FAM83F: variants seen among roughly 807,000 people sequenced by gnomAD.
FAM83F encodes the protein protein FAM83F.
A neutral mutation model predicts 42.9 loss-of-function variants in FAM83F; 45 were observed. The observed-to-expected ratio is 1.05, with a 90% CI of 0.83 to 1.35. FAM83F has a LOEUF of 1.35. Ranked by LOEUF, FAM83F falls within the 40% of genes most tolerant of loss-of-function variation. FAM83F has a pLI of 0.00. For missense variants in FAM83F, 617 were observed against 695.9 expected, an observed-to-expected ratio of 0.89 and a Z score of 1.28; for synonymous variants, 306 against 298.3, an observed-to-expected ratio of 1.03 and a Z score of -0.27.
rs5995795 is a variant in FAM83F, at chr22:40,034,244, C to T, written c.*4679C>T. 1.7e-4 allele frequency: 26 copies of T among 152,416 alleles called. No homozygotes were observed. The highest frequency in any genetic ancestry group is 6.3e-4 in the African/African-American group (26 of 41,594). The allele number at this position is 152,416 out of a possible 1,614,324, so 9.4% of individuals were successfully genotyped here. A position where few individuals can be genotyped will look rare whatever the true frequency, so the allele number is the denominator to read the frequency against. ...ATCTGGCAGTGCGCCACACTCCTGCCTCCCTGCCCAAAGGACGTAGTGGCT... is the reference window on the plus strand; with the variant it reads ...ATCTGGCAGTGCGCCACACTCCTGCTTCCCTGCCCAAAGGACGTAGTGGCT... On this transcript the variant is annotated 3_prime_UTR_variant, in exon 5 of 5. Transcript: ENST00000333407.
chr22:39,995,556 A>C lies in FAM83F; in HGVS notation c.489+25A>C. The C allele has an allele frequency of 6.6e-7, 1 of 1,520,766 alleles. No homozygotes were observed. The highest frequency in any genetic ancestry group is 8.9e-7 in the Non-Finnish European group (1 of 1,127,610). The allele number at this position is 1,520,766 out of a possible 1,614,324, so 94.2% of individuals were successfully genotyped here. A position where few individuals can be genotyped will look rare whatever the true frequency, so the allele number is the denominator to read the frequency against. Reference sequence around the variant, plus strand: ...GGTAGGCCCCCGCCTTCGCCCCCACACCGCTGGGACCTCGGCCCCAGTCCC... The same window carrying C: ...GGTAGGCCCCCGCCTTCGCCCCCACCCCGCTGGGACCTCGGCCCCAGTCCC... On this transcript the variant is annotated intron_variant, in intron 1 of 4. Coordinates refer to ENST00000333407, the MANE Select transcript of FAM83F (RefSeq NM_138435.4). This position sits in a 1 kb window ranked among gnomAD's most constrained non-coding sequence, Gnocchi z 4.6.
chr22:40,005,927 C>T (rs565533450), intron 1 of FAM83F, among the ~76,000 whole-genome samples: 2 of 152,268 alleles, frequency 1.3e-5, no homozygotes, highest in African/African-American at 2.4e-5. Context: ...GGGGCAGCCT[C>T]GCCTCCAAGT....
intron 4 of FAM83F, among the ~76,000 whole-genome samples, chr22:40,028,109 G>A (rs758572321): frequency 3.9e-5 from 6 of 152,378 alleles, no homozygotes; most frequent in African/African-American, 9.6e-5. Context: ...GCACCACTGC[G>A]GAAAGTGACC....
At chr22:40,005,965 C>T (rs964398728) in intron 1 of FAM83F, among the ~76,000 whole-genome samples, 1 of 152,194 alleles carries the variant, frequency 6.6e-6, no homozygotes, top group Non-Finnish European at 1.5e-5. Flanking sequence ...TGTAGCCGGG[C>T]GCGGTGGCTC....
Position 39,995,304 on chromosome 22 carries a change from A to G in FAM83F, c.262A>G (p.Lys88Glu), listed in dbSNP as rs2067368225. The change falls in exon 1 of 5, where the codon AAG becomes GAG. Residue 88 changes from lysine (K) to glutamate (E), a missense_variant. Coordinates refer to ENST00000333407, the MANE Select transcript of FAM83F (RefSeq NM_138435.4). The surrounding 1 kb of genome is among the most constrained non-coding windows in gnomAD (Gnocchi z 4.6). ...CGCCGCCAACGCCCGGGGCAAGAGC[A>G]AGGCCAAGGCCAAGGCCCCCGCGCC... ...VPAANARGKS[K>E]AKAKAPAPAP... The G allele has an allele frequency of 6.5e-7, 1 of 1,536,554 alleles. No individual in the cohort carries two copies.
In FAM83F at chr22:40,019,226, A is replaced by G. The variant is rs764265912; in HGVS notation, c.548A>G (p.Asp183Gly). The G allele has an allele frequency of 6.2e-7, 1 of 1,614,086 alleles. No homozygotes were observed. Among genetic ancestry groups the G allele is most frequent in the Non-Finnish European group, 8.5e-7 (1 of 1,180,034 alleles). The change falls in exon 2 of 5, where the codon GAT (aspartate) becomes GGT (glycine). Residue 183 changes from aspartate to glycine, a missense_variant. Physicochemically the swap from Asp to Gly is moderately conservative, Grantham distance 94. Coordinates refer to ENST00000333407, the MANE Select transcript of FAM83F (RefSeq NM_138435.4). ...GGTGATATCTTTCAAGACATTGTGGATGCTGCCTGTAAGCGCCGGGTCCCA... is the reference window on the plus strand; with the variant it reads ...GGTGATATCTTTCAAGACATTGTGGGTGCTGCCTGTAAGCGCCGGGTCCCA... ...TDGDIFQDIV[D>G]AACKRRVPVY... is the part of the protein sequence containing the mutation.
chr22:40,004,267 AATTTTATTTTATTTT>A lies in FAM83F; in HGVS notation c.489+8772_489+8786del, dbSNP rs59445798. On this transcript the variant is annotated intron_variant, in intron 1 of 4. Transcript: ENST00000333407. ...GCTAGGCAAATGCCAGCCCTTTTAGAATTTTATTTTATTTTATTTTATTTTATTTTATTTTATTTT... is the reference window on the plus strand; with the variant it reads ...GCTAGGCAAATGCCAGCCCTTTTAGAATTTTATTTTATTTTATTTTATTTT... Among the ~76,000 whole-genome samples, 1,057 of 133,796 alleles carry A rather than the reference AATTTTATTTTATTTT, an allele frequency of 7.9e-3. 21 individuals carry two copies. The highest frequency in any genetic ancestry group is 0.025 in the African/African-American group (874 of 34,984). The allele number at this position is 133,796 out of a possible 152,430, so 87.8% of individuals were successfully genotyped here. A position where few individuals can be genotyped will look rare whatever the true frequency, so the allele number is the denominator to read the frequency against.
chr22:40,014,962 C>T (rs2067485850), intron 1 of FAM83F, among the ~76,000 whole-genome samples: 1 of 152,120 alleles, frequency 6.6e-6, no homozygotes, highest in Admixed American at 6.5e-5. Context: ...GAAAATTTAC[C>T]TAAAGCACAG....
At chr22:40,017,220 ACTTT>A (rs1300162473) in intron 1 of FAM83F, among the ~76,000 whole-genome samples, 3 of 139,676 alleles carry the variant, frequency 2.1e-5, no homozygotes, top group South Asian at 2.3e-4. Flanking sequence ...TGCTCTCAGC[ACTTT>A]CTTTTTTTTT....
chr22:40,015,452 G>A (rs1266402134), intron 1 of FAM83F, among the ~76,000 whole-genome samples: 4 of 152,146 alleles, frequency 2.6e-5, no homozygotes, highest in South Asian at 2.1e-4. Flanking sequence ...TAACTGGCAC[G>A]GTCCCTTTGT....
In FAM83F at chr22:40,036,460, G is replaced by A. The variant is rs2067624535; in HGVS notation, c.*6895G>A. The A allele has an allele frequency of 6.6e-6, 1 of 152,218 alleles. No homozygotes were observed. Among genetic ancestry groups the A allele is most frequent in the South Asian group, 2.1e-4 (1 of 4,834 alleles). The allele number at this position is 152,218 out of a possible 1,614,324, so 9.4% of individuals were successfully genotyped here. ...TAGAGGGCTGCGGTCTTATCTGGTT[G>A]TGCAAAAGTCCCACAACCTTTCTGG... On this transcript the variant is annotated 3_prime_UTR_variant, in exon 5 of 5. Transcript: ENST00000333407.
chr22:40,002,065 T>C (rs1019819481), intron 1 of FAM83F, among the ~76,000 whole-genome samples: 2 of 151,830 alleles, frequency 1.3e-5, no homozygotes, highest in African/African-American at 4.9e-5. Context: ...GGCTGTGGCG[T>C]TGGAATCCTC....
At chr22:40,015,378 C>CA (rs1437750143) in intron 1 of FAM83F, among the ~76,000 whole-genome samples, 1 of 152,110 alleles carries the variant, frequency 6.6e-6, no homozygotes, top group African/African-American at 2.4e-5. Context: ...TAACCTCATC[C>CA]AAAAAACCAC....
At chr22:40,012,478 T>C (rs1441646033) in intron 1 of FAM83F, among the ~76,000 whole-genome samples, 1 of 152,074 alleles carries the variant, frequency 6.6e-6, no homozygotes, top group Non-Finnish European at 1.5e-5. Context: ...CTAATGAAGA[T>C]TGCTTATTTT....
At chr22:40,028,402 C>T (rs2067566865) in intron 4 of FAM83F, among the ~76,000 whole-genome samples, 1 of 152,220 alleles carries the variant, frequency 6.6e-6, no homozygotes, top group Non-Finnish European at 1.5e-5. Flanking sequence ...TGAAGTGATA[C>T]TGGAAGGTTG....
chr22:40,019,952 C>A lies in FAM83F; in HGVS notation c.723C>A (p.Thr241=), dbSNP rs770121367. Residue 241 remains threonine, a synonymous_variant, in exon 3 of 5, where the codon ACC becomes ACA. Coordinates refer to ENST00000333407, the MANE Select transcript of FAM83F (RefSeq NM_138435.4). ...TGCCCATGGGGAGGATCAAGGGGACCCTGTCATCAAGGTTCCTGATGGTGG... is the reference window on the plus strand; with the variant it reads ...TGCCCATGGGGAGGATCAAGGGGACACTGTCATCAAGGTTCCTGATGGTGG... ...FYMPMGRIKG[T]LSSRFLMVDG... 6.2e-7 allele frequency: 1 copy of A among 1,613,218 alleles called. No homozygotes were observed. Among genetic ancestry groups the A allele is most frequent in the Admixed American group, 1.7e-5 (1 of 59,954 alleles).
intron 1 of FAM83F, among the ~76,000 whole-genome samples, chr22:40,005,440 T>C (rs1013727908): frequency 2.0e-5 from 3 of 152,278 alleles, no homozygotes; most frequent in Non-Finnish European, 2.9e-5. Context: ...CCCAGAAGCT[T>C]GCCGTGGGGC....
intron 1 of FAM83F, among the ~76,000 whole-genome samples, chr22:40,014,563 G>A (rs912927869): frequency 2.0e-4 from 30 of 152,010 alleles, no homozygotes; most frequent in African/African-American, 7.3e-4. Context: ...ATTTTCAATT[G>A]CATTAGCAGA....
At chr22:40,004,925 T>A (rs547206272) in intron 1 of FAM83F, among the ~76,000 whole-genome samples, 1 of 152,232 alleles carries the variant, frequency 6.6e-6, no homozygotes, top group African/African-American at 2.4e-5. Context: ...TGGGAATTGA[T>A]GGCTGAATCA....
Sources: gnomAD v4.1 joint callset for allele counts (sites outside exome capture counted in the v4.1 genomes callset) on GRCh38, gnomAD v4.1.1 for gene constraint, Gnocchi (gnomAD v3.1) non-coding constraint, MANE v1.5 for transcripts, NCBI Gene and HGNC (gene_info 2026-07-23, HGNC 2026-07-21) for gene names.